Variants in TAFA1 observed in about 807,000 individuals in gnomAD.
The protein encoded by TAFA1 is chemokine-like protein TAFA-1.
TAFA1 carries 4 observed loss-of-function variants against 18.5 expected under a neutral mutation model. The observed-to-expected ratio is 0.22, with a 90% CI of 0.11 to 0.49. TAFA1 has a LOEUF of 0.49. Among genes scored for constraint, TAFA1 ranks in the 20% least tolerant of loss-of-function variants. TAFA1 has a pLI of 0.98. For missense variants in TAFA1, 147 were observed against 169.0 expected (o/e 0.87, Z 0.72); for synonymous variants, 56 against 55.2 (o/e 1.01, Z -0.06).
At chr3:68,297,732 A>T (rs921897394) in intron 2 of TAFA1, among the ~76,000 whole-genome samples, 1 of 150,374 alleles carries the variant, frequency 6.7e-6, no homozygotes, top group Admixed American at 6.6e-5. Flanking sequence ...ATTTCTGATC[A>T]TTCATTTTTT....
At chr3:68,253,286 A>C (rs922437344) in intron 2 of TAFA1, among the ~76,000 whole-genome samples, 1 of 152,164 alleles carries the variant, frequency 6.6e-6, no homozygotes, top group Non-Finnish European at 1.5e-5. Context: ...AAGTTGGTAT[A>C]CTTGTCAAAA....
intron 2 of TAFA1, among the ~76,000 whole-genome samples, chr3:68,410,257 G>GT (rs201523428): frequency 1.1e-3 from 160 of 151,484 alleles, no homozygotes; most frequent in African/African-American, 3.3e-3. Flanking sequence ...GCCCCATGGA[G>GT]TTTTTTTTTG....
chr3:68,381,616 A>C (rs1305674566), intron 2 of TAFA1, among the ~76,000 whole-genome samples: 1 of 152,126 alleles, frequency 6.6e-6, no homozygotes, highest in Non-Finnish European at 1.5e-5. Flanking sequence ...TTGTACATTG[A>C]TTTTGTATCC....
At chr3:68,294,899 C>T (rs1451777435) in intron 2 of TAFA1, among the ~76,000 whole-genome samples, 1 of 152,078 alleles carries the variant, frequency 6.6e-6, no homozygotes, top group African/African-American at 2.4e-5. Context: ...AAAAAATTTA[C>T]TTCTTGAATC....
intron 2 of TAFA1, among the ~76,000 whole-genome samples, chr3:68,080,063 T>C (rs1313062954): frequency 2.0e-5 from 3 of 152,158 alleles, no homozygotes; most frequent in Non-Finnish European, 4.4e-5. Context: ...TTTACCATTA[T>C]GTAATGGCCT....
intron 2 of TAFA1, among the ~76,000 whole-genome samples, chr3:68,154,236 G>A (rs1002818333): frequency 1.3e-5 from 2 of 152,092 alleles, no homozygotes; most frequent in African/African-American, 2.4e-5. Flanking sequence ...AAAAGAAAGA[G>A]CATGGCACAT....
chr3:68,489,570 T>C (rs2072413471), intron 3 of TAFA1, among the ~76,000 whole-genome samples: 1 of 152,178 alleles, frequency 6.6e-6, no homozygotes, highest in African/African-American at 2.4e-5. Context: ...CTATGACTCA[T>C]TTAGGGTCGT....
chr3:68,253,520 T>C (rs1404252861), intron 2 of TAFA1, among the ~76,000 whole-genome samples: 1 of 152,180 alleles, frequency 6.6e-6, no homozygotes, highest in Non-Finnish European at 1.5e-5. Context: ...TTTTGTGCAC[T>C]ACTTACTGCA....
chr3:68,047,691 A>G (rs1246001867), intron 2 of TAFA1, among the ~76,000 whole-genome samples: 1 of 152,170 alleles, frequency 6.6e-6, no homozygotes, highest in African/African-American at 2.4e-5. Context: ...ATTTACATCT[A>G]TGGAACCCAG....
At chr3:68,030,552 A>G (rs1388276708) in intron 2 of TAFA1, among the ~76,000 whole-genome samples, 1 of 152,100 alleles carries the variant, frequency 6.6e-6, no homozygotes, top group Non-Finnish European at 1.5e-5. Context: ...GCTGAGAATG[A>G]TGGTTTCCAG....
At chr3:68,091,297 C>T (rs1048761719) in intron 2 of TAFA1, among the ~76,000 whole-genome samples, 7 of 152,130 alleles carry the variant, frequency 4.6e-5, no homozygotes, top group African/African-American at 1.7e-4. Flanking sequence ...TTATGGCTAG[C>T]CCTGAGAACA....
At chr3:68,356,685 G>T (rs1575801713) in intron 2 of TAFA1, among the ~76,000 whole-genome samples, 1 of 151,798 alleles carries the variant, frequency 6.6e-6, no homozygotes, top group East Asian at 1.9e-4. Context: ...AGATTATAAA[G>T]GGCTGTATAC....
intron 2 of TAFA1, among the ~76,000 whole-genome samples, chr3:68,157,870 G>C (rs1371699054): frequency 6.6e-6 from 1 of 152,172 alleles, no homozygotes; most frequent in Non-Finnish European, 1.5e-5. Context: ...TGAAGGATTT[G>C]AGTTATAATA....
chr3:68,431,097 A>T (rs1463361053), intron 3 of TAFA1, among the ~76,000 whole-genome samples: 1 of 151,926 alleles, frequency 6.6e-6, no homozygotes, highest in Non-Finnish European at 1.5e-5. Context: ...CTAACCCCCT[A>T]CAAAAGCCTC....
chr3:68,084,259 T>G (rs1489020253), intron 2 of TAFA1, among the ~76,000 whole-genome samples: 1 of 152,202 alleles, frequency 6.6e-6, no homozygotes, highest in Non-Finnish European at 1.5e-5. Flanking sequence ...ATGTGTAAAA[T>G]ATATATTTAG....
chr3:68,270,752 C>G (rs80062564), intron 2 of TAFA1, among the ~76,000 whole-genome samples: 1,972 of 152,180 alleles, frequency 0.013, 45 homozygotes, highest in African/African-American at 0.045. Context: ...AGAGGGTGTG[C>G]CTGACTGGCC....
chr3:68,354,218 T>A (rs931844826), intron 2 of TAFA1, among the ~76,000 whole-genome samples: 10 of 152,124 alleles, frequency 6.6e-5, no homozygotes, highest in Non-Finnish European at 1.0e-4. Flanking sequence ...TACAGGGTGA[T>A]TTCTTTTAAT....
At chr3:68,223,537 T>C (rs1414101213) in intron 2 of TAFA1, among the ~76,000 whole-genome samples, 3 of 151,292 alleles carry the variant, frequency 2.0e-5, no homozygotes, top group Admixed American at 6.6e-5. Flanking sequence ...AGGACCATTT[T>C]TTTTTTTTTA....
At chr3:68,201,937 G>A (rs1482205478) in intron 2 of TAFA1, among the ~76,000 whole-genome samples, 1 of 151,566 alleles carries the variant, frequency 6.6e-6, no homozygotes, top group Non-Finnish European at 1.5e-5. Context: ...AGGCATCCTG[G>A]CTCTGTAAAC....
Sources: gnomAD v4.1 joint callset for allele counts (sites outside exome capture counted in the v4.1 genomes callset) on GRCh38, gnomAD v4.1.1 for gene constraint, MANE v1.5 for transcripts, NCBI Gene and HGNC (gene_info 2026-07-23, HGNC 2026-07-21) for gene names.